The following ULK4 variants were observed in gnomAD, a reference collection of about 807,000 sequenced individuals.
ULK4 encodes the protein unc-51 like kinase 4, also known as inactive serine/threonine-protein kinase ULK4.
ULK4 carries 133 observed loss-of-function variants against 160.6 expected under a neutral mutation model. The ratio of observed to expected loss-of-function variants is 0.83; its 90% CI spans 0.72 to 0.96. The LOEUF (loss-of-function observed/expected upper bound fraction) is 0.96, where lower values mean the gene tolerates loss of function less well. Ranked by LOEUF, ULK4 falls within the 40% of genes least tolerant of loss-of-function variation. ULK4 has a pLI of 0.00. For synonymous variants in ULK4, 534 were observed against 539.8 expected (o/e 0.99, Z 0.15); for missense variants, 1,580 against 1,499.5 (o/e 1.05, Z -0.89).
chr3:41,696,972 G>A (rs1183757714), intron 27 of ULK4, among the ~76,000 whole-genome samples: 1 of 152,132 alleles, frequency 6.6e-6, no homozygotes, highest in Non-Finnish European at 1.5e-5. Flanking sequence ...CAAGGAAGGA[G>A]ATCCTTCCCT....
intron 35 of ULK4, among the ~76,000 whole-genome samples, chr3:41,349,393 C>T (rs944973486): frequency 1.6e-4 from 25 of 152,170 alleles, no homozygotes; most frequent in African/African-American, 6.0e-4. Flanking sequence ...AACCTGACAA[C>T]CTAGGTTGGT....
intron 20 of ULK4, among the ~76,000 whole-genome samples, chr3:41,796,289 C>T (rs554946008): frequency 2.0e-5 from 3 of 152,196 alleles, no homozygotes; most frequent in African/African-American, 7.2e-5. Context: ...GTTCTACAAA[C>T]ACAGAAAGAG....
At chr3:41,639,512 G>A (rs190304933) in intron 30 of ULK4, among the ~76,000 whole-genome samples, 224 of 152,280 alleles carry the variant, frequency 1.5e-3, no homozygotes, top group African/African-American at 4.9e-3. Flanking sequence ...CAGATCACCT[G>A]AGGTCAGGAG....
At chr3:41,355,917 G>A (rs995546525) in intron 35 of ULK4, among the ~76,000 whole-genome samples, 1 of 152,176 alleles carries the variant, frequency 6.6e-6, no homozygotes, top group Non-Finnish European at 1.5e-5. Context: ...GCTTAAAAAT[G>A]TCATCAAATT....
In ULK4 at chr3:41,392,026, C is replaced by T. The variant is rs76826904; in HGVS notation, c.3678+6053G>A. ...AGCCAATTTTAGGCACAGAACAAAT[C>T]TGTGGTGGTTCATGTGTAGTCAATA... is the stretch of plus-strand genomic sequence containing the variant. On this transcript the variant is annotated intron_variant, in intron 35 of 36. Coordinates refer to ENST00000301831, the MANE Select transcript of ULK4 (RefSeq NM_017886.4). Among the ~76,000 whole-genome samples the T allele has an allele frequency of 6.7e-3, 1,016 of 152,192 alleles. 3 individuals are homozygous for T. The highest frequency in any genetic ancestry group is 0.015 in the African/African-American group (624 of 41,548).
chr3:41,565,787 A>G (rs1363034020), intron 32 of ULK4, among the ~76,000 whole-genome samples: 1 of 152,140 alleles, frequency 6.6e-6, no homozygotes, highest in Non-Finnish European at 1.5e-5. Flanking sequence ...CTATGATTAC[A>G]CCTCTATTTC....
chr3:41,256,242 CT>C (rs1182905998), intron 35 of ULK4, among the ~76,000 whole-genome samples: 2 of 152,146 alleles, frequency 1.3e-5, no homozygotes, highest in Non-Finnish European at 2.9e-5. Context: ...ATAACTGACT[CT>C]AAAATTTGCA....
chr3:41,481,090 G>A (rs1259983035), intron 32 of ULK4, among the ~76,000 whole-genome samples: 2 of 152,148 alleles, frequency 1.3e-5, no homozygotes, highest in African/African-American at 4.8e-5. Flanking sequence ...TATGTTATCA[G>A]TAAGGCTTCC....
intron 34 of ULK4, among the ~76,000 whole-genome samples, chr3:41,428,216 T>C (rs1022654766): frequency 4.6e-5 from 7 of 152,030 alleles, no homozygotes; most frequent in Non-Finnish European, 1.0e-4. Context: ...ACAAAGGAAG[T>C]GAAAGATCTC....
intron 16 of ULK4, among the ~76,000 whole-genome samples, chr3:41,893,885 C>T (rs1216590493): frequency 6.6e-6 from 1 of 152,062 alleles, no homozygotes; most frequent in African/African-American, 2.4e-5. Context: ...AAGTTAAGGA[C>T]CCTTTATCAT....
intron 17 of ULK4, among the ~76,000 whole-genome samples, chr3:41,842,953 GAAGCCATCA>G (rs1559600424): frequency 7.2e-5 from 11 of 152,332 alleles, no homozygotes; most frequent in Admixed American, 3.3e-4. Flanking sequence ...AAATAGTGCT[GAAGCCATCA>G]GGCATCCATA....
intron 32 of ULK4, among the ~76,000 whole-genome samples, chr3:41,488,653 A>G (rs1411937629): frequency 6.6e-6 from 1 of 152,198 alleles, no homozygotes. Flanking sequence ...ACAGTGAGTA[A>G]GGCTCCTATA....
intron 32 of ULK4, among the ~76,000 whole-genome samples, chr3:41,555,173 T>C (rs2087241809): frequency 6.6e-6 from 1 of 151,984 alleles, no homozygotes; most frequent in Non-Finnish European, 1.5e-5. Context: ...ATCCCAAAAC[T>C]GATTTGAAAA....
intron 32 of ULK4, among the ~76,000 whole-genome samples, chr3:41,552,200 C>A (rs1171304623): frequency 6.6e-6 from 1 of 151,930 alleles, no homozygotes; most frequent in Non-Finnish European, 1.5e-5. Flanking sequence ...AGAACTGGAA[C>A]AAGATAAGGA....
chr3:41,842,237 T>G (rs2041950245), intron 17 of ULK4, among the ~76,000 whole-genome samples: 2 of 147,416 alleles, frequency 1.4e-5, no homozygotes, highest in South Asian at 4.3e-4. Flanking sequence ...GTCCCGAAGT[T>G]CAAGGTTGCA....
At chr3:41,783,347 G>A (rs1463015735) in intron 21 of ULK4, among the ~76,000 whole-genome samples, 8 of 151,982 alleles carry the variant, frequency 5.3e-5, no homozygotes, top group Admixed American at 3.9e-4. Flanking sequence ...GACCAGTCTG[G>A]TCAACATGGC....
chr3:41,922,741 G>GA (rs976795383), intron 5 of ULK4, among the ~76,000 whole-genome samples: 37 of 151,956 alleles, frequency 2.4e-4, no homozygotes, highest in African/African-American at 6.3e-4. Flanking sequence ...GCGTCTATGA[G>GA]AAAAAAATGG....
chr3:41,551,985 T>C (rs2087085776), intron 32 of ULK4, among the ~76,000 whole-genome samples: 1 of 151,866 alleles, frequency 6.6e-6, no homozygotes. Context: ...ATGTGATACA[T>C]CATCTCACAG....
intron 35 of ULK4, among the ~76,000 whole-genome samples, chr3:41,268,016 G>A (rs1000667836): frequency 6.6e-6 from 1 of 152,188 alleles, no homozygotes; most frequent in Admixed American, 6.5e-5. Flanking sequence ...TCAACTGGGG[G>A]TGATTTTGAC....
Sources: gnomAD v4.1 joint callset for allele counts (sites outside exome capture counted in the v4.1 genomes callset) on GRCh38, gnomAD v4.1.1 for gene constraint, MANE v1.5 for transcripts, NCBI Gene and HGNC (gene_info 2026-07-23, HGNC 2026-07-21) for gene names.